PIP5K1A: variants seen among roughly 807,000 people sequenced by gnomAD.
PIP5K1A encodes phosphatidylinositol-4-phosphate 5-kinase type 1 alpha, also known as phosphatidylinositol 4-phosphate 5-kinase type-1 alpha.
Under a neutral mutation model 72.9 loss-of-function variants are expected in PIP5K1A, and 46 were observed. The ratio of observed to expected loss-of-function variants is 0.63; its 90% confidence interval spans 0.50 to 0.81. The LOEUF (loss-of-function observed/expected upper bound fraction) is 0.81. PIP5K1A is among the 30% of genes least tolerant of loss of function. PIP5K1A has a pLI of 0.00. For synonymous variants in PIP5K1A, 228 were observed against 255.1 expected (o/e 0.89, Z 1.01); for missense variants, 458 against 706.1 (o/e 0.65, Z 3.98).
chr1:151,197,374 G>A (rs868093766), upstream of PIP5K1A, among the ~76,000 whole-genome samples: 1 of 151,932 alleles, frequency 6.6e-6, no homozygotes, highest in Non-Finnish European at 1.5e-5. Context: ...CGCCTCCCAG[G>A]TTCATGCCAT....
At chr1:151,212,582 C>CTT (rs71580364) in intron 1 of PIP5K1A, among the ~76,000 whole-genome samples, 6 of 148,518 alleles carry the variant, frequency 4.0e-5, no homozygotes, top group Non-Finnish European at 3.0e-5. Flanking sequence ...TCGACTTTGC[C>CTT]TTTTTTTTTT....
chr1:151,220,176 T>C (rs1354008303), intron 1 of PIP5K1A, among the ~76,000 whole-genome samples: 2 of 151,804 alleles, frequency 1.3e-5, no homozygotes, highest in African/African-American at 4.8e-5. Flanking sequence ...GGCTACTTTT[T>C]TGTATTTTTA....
intron 4 of PIP5K1A, among the ~76,000 whole-genome samples, chr1:151,231,030 A>G (rs1419276572): frequency 1.3e-5 from 2 of 151,884 alleles, no homozygotes; most frequent in Non-Finnish European, 2.9e-5. Context: ...ACATAGTGAA[A>G]CCCCATCTGT....
chr1:151,224,556 T>C (rs1382145809), intron 3 of PIP5K1A, 150 bp downstream of exon 3: 2 of 667,038 alleles, frequency 3.0e-6, no homozygotes, highest in Non-Finnish European at 5.2e-6. Flanking sequence ...GATATTCTTA[T>C]TTAATCCTTC....
At position 151,239,143 on chromosome 1, in the gene PIP5K1A, T is replaced by G; in HGVS notation, c.1243T>G (p.Leu415Val). Residue 415 changes from leucine (L) to valine (V), a missense_variant, in exon 11 of 16, where the codon TTG (leucine) becomes GTG (valine). Coordinates refer to ENST00000368888, the MANE Select transcript of PIP5K1A (RefSeq NM_001135638.2). ...TTTTTCTTGCAGGTTTGTTAAGAAG[T>G]TGGAGCACTCTTGGAAAGCCCTGGT... is the stretch of plus-strand genomic sequence containing the variant. Reference protein sequence around the residue: ...ILQSYRFVKKLEHSWKALVHD... With the variant: ...ILQSYRFVKKVEHSWKALVHD... 1 of 1,611,586 alleles carries G rather than the reference T, an allele frequency of 6.2e-7. No homozygotes were observed. The highest frequency in any genetic ancestry group is 8.5e-7 in the Non-Finnish European group (1 of 1,177,746).
chr1:151,239,313 C>T (rs1283264091), intron 11 of PIP5K1A, 135 bp downstream of exon 11: 1 of 591,388 alleles, frequency 1.7e-6, no homozygotes, highest in African/African-American at 1.9e-5. Context: ...CACTCTGTCA[C>T]CCAGGCTGGA....
In PIP5K1A at chr1:151,240,099, G is replaced by A; in HGVS notation, c.1363+60G>A. 2.5e-6 allele frequency: 3 copies of A among 1,224,162 alleles called. No individual in the cohort carries two copies. In the East Asian group the frequency reaches 7.0e-5, roughly 29 times the overall value. The allele number at this position is 1,224,162 out of a possible 1,614,324, so 75.8% of individuals were successfully genotyped here. A position where few individuals can be genotyped will look rare whatever the true frequency, so the allele number is the denominator to read the frequency against. On this transcript the variant is annotated intron_variant, in intron 12 of 15. Coordinates refer to ENST00000368888, the MANE Select transcript of PIP5K1A (RefSeq NM_001135638.2). Reference sequence around the variant, plus strand: ...GCCCAGTGGCTCCCTTACCCCAAGAGAACAGAGGGCAGGACACCTCTGGTA... The same window carrying A: ...GCCCAGTGGCTCCCTTACCCCAAGAAAACAGAGGGCAGGACACCTCTGGTA...
intron 1 of PIP5K1A, among the ~76,000 whole-genome samples, chr1:151,213,700 A>G (rs1009626014): frequency 1.3e-5 from 2 of 152,130 alleles, no homozygotes; most frequent in East Asian, 1.9e-4. Context: ...TATCTTTGCA[A>G]TAGCATAACG....
At chr1:151,231,843 C>G (rs1238710557) in intron 5 of PIP5K1A, 42 bp downstream of exon 5, 1 of 1,604,198 alleles carries the variant, frequency 6.2e-7, no homozygotes, top group Admixed American at 1.7e-5. Context: ...GGAAATGTGG[C>G]CTTTTCAAAT....
intron 3 of PIP5K1A, among the ~76,000 whole-genome samples, chr1:151,225,842 T>C (rs1261158621): frequency 6.6e-6 from 1 of 151,340 alleles, no homozygotes; most frequent in Non-Finnish European, 1.5e-5. Context: ...AGTGGCATGA[T>C]CTTGGCTCAC....
chr1:151,232,240 C>T lies in PIP5K1A; in HGVS notation c.369-8C>T. 6.3e-7 allele frequency: 1 copy of T among 1,590,504 alleles called. No homozygotes were observed. Among genetic ancestry groups the T allele is most frequent in the Non-Finnish European group, 8.6e-7 (1 of 1,158,534 alleles). ...GCAAGTTATGGCTACCTCTGTTTAA[C>T]CCCACAGTGAAGGGAGCAACCTGAC... On this transcript the variant is annotated splice_polypyrimidine_tract_variant and splice_region_variant and intron_variant, in intron 5 of 15. Coordinates refer to ENST00000368888, the MANE Select transcript of PIP5K1A (RefSeq NM_001135638.2).
chr1:151,197,985 C>T (rs757426678), upstream of PIP5K1A: 27 of 464,138 alleles, frequency 5.8e-5, 1 homozygote, highest in Non-Finnish European at 8.9e-6. Context: ...TGATAGCCTC[C>T]CGTGCCCTTT....
At chr1:151,236,788 G>T (rs139036621) in intron 9 of PIP5K1A, 25 bp downstream of exon 9, 8 of 1,524,084 alleles carry the variant, frequency 5.2e-6, no homozygotes, top group Admixed American at 5.2e-5. Context: ...GGCCACTAGG[G>T]GGGAGAACAT....
At chr1:151,214,011 A>G (rs1687226441) in intron 1 of PIP5K1A, among the ~76,000 whole-genome samples, 1 of 152,196 alleles carries the variant, frequency 6.6e-6, no homozygotes, top group South Asian at 2.1e-4. Flanking sequence ...GTATAAGTTC[A>G]TGTGAATTTA....
At chr1:151,226,424 AC>A (rs1425092738) in intron 3 of PIP5K1A, among the ~76,000 whole-genome samples, 2 of 151,758 alleles carry the variant, frequency 1.3e-5, no homozygotes, top group Non-Finnish European at 2.9e-5. Flanking sequence ...AAAAATACTC[AC>A]CTTTGGTTGG....
chr1:151,219,528 A>C (rs1188381429), intron 1 of PIP5K1A, among the ~76,000 whole-genome samples: 1 of 150,296 alleles, frequency 6.7e-6, no homozygotes, highest in East Asian at 2.0e-4. Flanking sequence ...CTCTACAAAA[A>C]ATTTAAAAAA....
At chr1:151,227,485 A>C in intron 4 of PIP5K1A, 85 bp downstream of exon 4, 4 of 799,478 alleles carry the variant, frequency 5.0e-6, no homozygotes, top group Non-Finnish European at 8.6e-6. Context: ...ATTACTCTCC[A>C]TGTACTGTCC....
intron 4 of PIP5K1A, 38 bp from the exon 5 acceptor site, chr1:151,231,633 A>G (rs1690091732): frequency 1.9e-6 from 3 of 1,589,668 alleles, no homozygotes; most frequent in Middle Eastern, 1.7e-4. Flanking sequence ...GATCCTACTT[A>G]TACTAGGAAT....
chr1:151,223,975 A>C, intron 1 of PIP5K1A: 1 of 525,430 alleles, frequency 1.9e-6, no homozygotes, highest in Non-Finnish European at 3.4e-6. Flanking sequence ...CTCAAAAAAA[A>C]AGAAAAAGTT....
Sources: allele counts gnomAD v4.1 joint callset (sites outside exome capture counted in the v4.1 genomes callset), GRCh38; gene constraint gnomAD v4.1.1; transcripts MANE v1.5; gene names NCBI Gene and HGNC (gene_info 2026-07-23, HGNC 2026-07-21).